The following UACA variants were observed in gnomAD, a reference collection of about 807,000 sequenced individuals.
The protein encoded by UACA is uveal autoantigen with coiled-coil domains and ankyrin repeats.
A neutral mutation model predicts 160.5 loss-of-function variants in UACA; 112 were observed. The observed-to-expected ratio is 0.70, with a 90% CI of 0.60 to 0.82. The LOEUF is 0.82. Among genes scored for constraint, UACA ranks in the 40% least tolerant of loss-of-function variants. The pLI, the probability that UACA is intolerant of heterozygous loss-of-function variation, is 0.00. For missense variants in UACA, 1,574 were observed against 1,614.6 expected (o/e 0.97, Z 0.43); for synonymous variants, 557 against 568.4 (o/e 0.98, Z 0.29).
intron 1 of UACA, chr15:70,758,525 C>G (rs903807582): frequency 6.6e-6 from 1 of 152,138 alleles, no homozygotes; most frequent in Non-Finnish European, 1.5e-5. Flanking sequence ...TTTTCAAATG[C>G]ACCCAAATCC....
At chr15:70,719,118 AAGG>A (rs1356196788) in intron 1 of UACA, among the ~76,000 whole-genome samples, 1 of 151,438 alleles carries the variant, frequency 6.6e-6, no homozygotes, top group African/African-American at 2.4e-5. Flanking sequence ...AGAGAAGGAG[AAGG>A]AGAAGAGAAG....
chr15:70,709,284 C>A (rs1472653290), intron 1 of UACA, among the ~76,000 whole-genome samples: 7 of 152,148 alleles, frequency 4.6e-5, no homozygotes, highest in Admixed American at 2.6e-4. Flanking sequence ...AGACATTCAT[C>A]CCATTCAGAA....
At position 70,699,734 on chromosome 15, in the gene UACA, G is replaced by A. The variant is rs1008824383; in HGVS notation, c.79-74C>T. The A allele has an allele frequency of 1.9e-5, 30 of 1,546,472 alleles. No individual in the cohort carries two copies. The African/African-American group carries it at 3.7e-4, about 19-fold the overall frequency. ...GATTTTTCTAAAGAAAGAAAAAAGA[G>A]AGAAAGGAAAGCAGTACTGCATAAT... On this transcript the variant is annotated intron_variant, in intron 1 of 18. Coordinates refer to ENST00000322954, the MANE Select transcript of UACA (RefSeq NM_018003.4).
At chr15:70,743,031 G>T (rs191811575) in intron 1 of UACA, among the ~76,000 whole-genome samples, 1 of 152,110 alleles carries the variant, frequency 6.6e-6, no homozygotes, top group Admixed American at 6.5e-5. Context: ...TTACAGGCTC[G>T]TTTGGTTGTT....
intron 17 of UACA, among the ~76,000 whole-genome samples, chr15:70,663,341 T>C (rs1170410337): frequency 6.6e-5 from 10 of 152,074 alleles, no homozygotes; most frequent in Non-Finnish European, 1.3e-4. Context: ...ATGGCAATCA[T>C]TAAAAAGTCA....
chr15:70,659,402 T>TTTG (rs1896611993), intron 18 of UACA, among the ~76,000 whole-genome samples: 1 of 120,282 alleles, frequency 8.3e-6, no homozygotes, highest in Non-Finnish European at 1.7e-5. Context: ...TTTGTTTTTT[T>TTTG]TTTTTTTTTT....
the UACA span, among the ~76,000 whole-genome samples, chr15:70,774,072 A>G: frequency 3.9e-4 from 60 of 152,320 alleles, no homozygotes; most frequent in African/African-American, 1.3e-3. Flanking sequence ...AAGTACTGCT[A>G]TTACTATTAC....
intron 18 of UACA, among the ~76,000 whole-genome samples, chr15:70,657,737 C>T (rs1383203695): frequency 6.6e-6 from 1 of 151,990 alleles, no homozygotes; most frequent in Non-Finnish European, 1.5e-5. Context: ...AAGTAAACTA[C>T]AAGGAAATCT....
At chr15:70,715,674 C>T (rs370033671) in intron 1 of UACA, among the ~76,000 whole-genome samples, 1 of 151,994 alleles carries the variant, frequency 6.6e-6, no homozygotes, top group South Asian at 2.1e-4. Flanking sequence ...CATAACTTTC[C>T]CCCAAACACA....
rs767869140 is a variant in UACA, at chr15:70,668,548, A to G, written c.2136T>C (p.Asn712=). Residue 712 remains asparagine (N), a synonymous_variant, in exon 16 of 19, where the codon AAT becomes AAC. Coordinates refer to ENST00000322954, the MANE Select transcript of UACA (RefSeq NM_018003.4). ...TTTCAATTTCCTTTTGTAGTGTCTG[A>G]TTTTTCAATGTTAACTCAGTGATCT... ...GKKITELTLK[N]QTLQKEIEKV... 6.2e-7 allele frequency: 1 copy of G among 1,611,818 alleles called. No individual in the cohort carries two copies. The highest frequency in any genetic ancestry group is 2.2e-5 in the East Asian group (1 of 44,848).
chr15:70,712,064 A>ATATATATATATATATATATC (rs909386790), intron 1 of UACA, among the ~76,000 whole-genome samples: 10 of 145,564 alleles, frequency 6.9e-5, no homozygotes, highest in African/African-American at 2.8e-4. Flanking sequence ...ATATATATAT[A>ATATATATATATATATATATC]TATCTCCATA....
chr15:70,728,985 G>C (rs556046203), intron 1 of UACA, among the ~76,000 whole-genome samples: 1 of 152,266 alleles, frequency 6.6e-6, no homozygotes, highest in Admixed American at 6.5e-5. Flanking sequence ...ACTGCAATGA[G>C]TTACCATCTC....
At chr15:70,684,469 A>G (rs754307412) in intron 7 of UACA, 23 bp from the exon 8 acceptor site, 19 of 1,587,712 alleles carry the variant, frequency 1.2e-5, no homozygotes, top group Admixed American at 1.9e-5. Flanking sequence ...ATGGAAGAGC[A>G]AAAGACTGAG....
At chr15:70,722,917 A>C (rs1049058764) in intron 1 of UACA, among the ~76,000 whole-genome samples, 2 of 152,218 alleles carry the variant, frequency 1.3e-5, no homozygotes, top group African/African-American at 4.8e-5. Flanking sequence ...ATTACTAAAA[A>C]CATCTTTAAG....
chr15:70,664,810 G>C lies in UACA; in HGVS notation c.3965C>G (p.Thr1322Ser). ...TCTTTCCACATCATTAAGCAGTTCA[G>C]TTATCTTTAAAAAAATGTTGTAGGA... The part of the protein sequence containing the change: ...KQIEAKDNKI[T>S]ELLNDVERLK... Residue 1322 changes from threonine (T) to serine (S), a missense_variant, in exon 17 of 19, where the codon ACT (threonine) becomes AGT (serine). Physicochemically the swap from Thr to Ser is moderately conservative, Grantham distance 58 (BLOSUM62 1). Coordinates refer to ENST00000322954, the MANE Select transcript of UACA (RefSeq NM_018003.4). 1.9e-6 allele frequency: 3 copies of C among 1,608,222 alleles called. No homozygotes were observed. Among genetic ancestry groups the C allele is most frequent in the Non-Finnish European group, 2.5e-6 (3 of 1,177,936 alleles).
At chr15:70,745,167 C>G (rs1473629752) in intron 1 of UACA, among the ~76,000 whole-genome samples, 1 of 152,166 alleles carries the variant, frequency 6.6e-6, no homozygotes, top group East Asian at 1.9e-4. Flanking sequence ...CGCAGTGGCT[C>G]ACACCTGTAA....
rs1344478226 is a variant in UACA, at chr15:70,763,472, A to G, written c.-65T>C. Reference sequence around the variant, plus strand: ...TGCGGAGTGCCAGCGCGCAAGGAGTAGACGGCAGCGGCTGCAGCAGAGGCG... The same window carrying G: ...TGCGGAGTGCCAGCGCGCAAGGAGTGGACGGCAGCGGCTGCAGCAGAGGCG... On this transcript the variant is annotated 5_prime_UTR_variant, in exon 1 of 19. Coordinates refer to ENST00000322954, the MANE Select transcript of UACA (RefSeq NM_018003.4). The G allele has an allele frequency of 5.5e-6, 7 of 1,265,308 alleles. No individual in the cohort carries two copies. Among genetic ancestry groups the G allele is most frequent in the Non-Finnish European group, 7.0e-6 (7 of 997,208 alleles). The allele number at this position is 1,265,308 out of a possible 1,614,324, so 78.4% of individuals were successfully genotyped here. A position where few individuals can be genotyped will look rare whatever the true frequency, so the allele number is the denominator to read the frequency against.
chr15:70,691,187 G>T, intron 4 of UACA, 112 bp downstream of exon 4: 1 of 692,340 alleles, frequency 1.4e-6, no homozygotes, highest in Non-Finnish European at 2.3e-6. Context: ...TAAGCTCATA[G>T]TCAAAGTTAG....
In UACA at chr15:70,668,258, T is replaced by C. The variant is rs1897004496; in HGVS notation, c.2426A>G (p.His809Arg). Reference protein sequence around the residue: ...LETVFVPPEKHEKEIIALKSN... With the variant: ...LETVFVPPEKREKEIIALKSN... ...TTTCAGAGCTATTATCTCTTTTTCA[T>C]GTTTCTCAGGAGGTACAAACACAGT... Residue 809 changes from histidine to arginine, a missense_variant, in exon 16 of 19, where the codon CAT (histidine) becomes CGT (arginine). Coordinates refer to ENST00000322954, the MANE Select transcript of UACA (RefSeq NM_018003.4). 2 of 1,613,400 alleles carry C rather than the reference T, an allele frequency of 1.2e-6. No homozygotes were observed. Among genetic ancestry groups the C allele is most frequent in the East Asian group, 2.2e-5 (1 of 44,844 alleles).
Sources: allele counts gnomAD v4.1 joint callset (sites outside exome capture counted in the v4.1 genomes callset), GRCh38; gene constraint gnomAD v4.1.1; transcripts MANE v1.5; gene names NCBI Gene and HGNC (gene_info 2026-07-23, HGNC 2026-07-21).